The following RAB38 variants were observed in gnomAD, a reference collection of about 807,000 sequenced individuals.
RAB38 encodes the protein RAB38, member RAS oncogene family.
A neutral mutation model predicts 18.4 loss-of-function variants in RAB38; 15 were observed. The observed-to-expected ratio is 0.82, with a 90% CI of 0.55 to 1.26. The LOEUF (loss-of-function observed/expected upper bound fraction) is 1.26. Among genes scored for constraint, RAB38 ranks in the 50% most tolerant of loss-of-function variants. The pLI is 0.00. For synonymous variants in RAB38, 101 were observed against 104.4 expected, an observed-to-expected ratio of 0.97 and a Z score of 0.20; for missense variants, 294 against 267.4, an observed-to-expected ratio of 1.10 and a Z score of -0.69.
At chr11:88,072,766 T>C in the RAB38 span, among the ~76,000 whole-genome samples, 1 of 151,384 alleles carries the variant, frequency 6.6e-6, no homozygotes, top group Non-Finnish European at 1.5e-5. Context: ...AAGAAAAAAA[T>C]ATTTAAATCA....
At chr11:88,138,172 T>C (rs757465330) in intron 2 of RAB38, among the ~76,000 whole-genome samples, 17 of 151,772 alleles carry the variant, frequency 1.1e-4, no homozygotes, top group Non-Finnish European at 2.4e-4. Context: ...CAAAAAAAAA[T>C]TGCATAAGGA....
At chr11:87,868,052 A>T in the RAB38 span, among the ~76,000 whole-genome samples, 3 of 151,728 alleles carry the variant, frequency 2.0e-5, no homozygotes, top group Admixed American at 1.3e-4. Context: ...ATCACATAGA[A>T]TATCTTGAAA....
At chr11:87,973,343 C>G in the RAB38 span, among the ~76,000 whole-genome samples, 1 of 152,116 alleles carries the variant, frequency 6.6e-6, no homozygotes, top group East Asian at 1.9e-4. Flanking sequence ...GAAAGAATAG[C>G]TGCATAAGAC....
chr11:87,898,421 C>T, the RAB38 span, among the ~76,000 whole-genome samples: 1 of 151,658 alleles, frequency 6.6e-6, no homozygotes, highest in African/African-American at 2.4e-5. Context: ...TATGAAATCA[C>T]TCAGAGAGTG....
chr11:87,928,202 A>T, the RAB38 span, among the ~76,000 whole-genome samples: 2 of 152,090 alleles, frequency 1.3e-5, no homozygotes, highest in Non-Finnish European at 1.5e-5. Context: ...AGTGTTCAAT[A>T]ACTTTTAACT....
intron 2 of RAB38, among the ~76,000 whole-genome samples, chr11:88,147,105 T>TTACC (rs1268701253): frequency 1.3e-5 from 2 of 152,228 alleles, no homozygotes; most frequent in Non-Finnish European, 2.9e-5. Context: ...TCCCCACAGA[T>TTACC]TCATAGGCCT....
chr11:87,806,378 C>T, the RAB38 span, among the ~76,000 whole-genome samples: 1 of 152,102 alleles, frequency 6.6e-6, no homozygotes, highest in Non-Finnish European at 1.5e-5. Flanking sequence ...TTACCACATC[C>T]TCATACGATG....
chr11:87,865,634 T>C, the RAB38 span, among the ~76,000 whole-genome samples: 2 of 151,142 alleles, frequency 1.3e-5, no homozygotes, highest in Non-Finnish European at 3.0e-5. Context: ...ATTTGTTAGA[T>C]CAGCAATGGG....
At chr11:87,972,092 T>C in the RAB38 span, among the ~76,000 whole-genome samples, 1 of 152,178 alleles carries the variant, frequency 6.6e-6, no homozygotes, top group South Asian at 2.1e-4. Context: ...TTCACCTCTC[T>C]GCATTACAGA....
intron 1 of RAB38, among the ~76,000 whole-genome samples, chr11:88,150,644 G>C (rs1476902491): frequency 6.6e-6 from 1 of 152,158 alleles, no homozygotes; most frequent in African/African-American, 2.4e-5. Context: ...TCATTAAGGT[G>C]CAATTATTAC....
chr11:87,936,319 T>G, the RAB38 span, among the ~76,000 whole-genome samples: 7 of 152,274 alleles, frequency 4.6e-5, no homozygotes, highest in East Asian at 3.9e-4. Flanking sequence ...ATGTAGAAGG[T>G]GTGAGACAGG....
chr11:88,033,810 C>T, the RAB38 span, among the ~76,000 whole-genome samples: 2,483 of 141,554 alleles, frequency 0.018, 67 homozygotes, highest in African/African-American at 0.061. Context: ...TGACTGCAAG[C>T]TCCGCCTCCC....
chr11:88,101,886 T>C, the RAB38 span, among the ~76,000 whole-genome samples: 1 of 151,840 alleles, frequency 6.6e-6, no homozygotes, highest in Non-Finnish European at 1.5e-5. Flanking sequence ...CTGCTTTCCA[T>C]ATAGAAATAT....
At chr11:87,900,735 AGG>A in the RAB38 span, among the ~76,000 whole-genome samples, 5 of 147,974 alleles carry the variant, frequency 3.4e-5, no homozygotes, top group Non-Finnish European at 3.0e-5. Context: ...AAGAAGGAAG[AGG>A]GAGGGAGGGA....
At chr11:87,901,815 A>G in the RAB38 span, among the ~76,000 whole-genome samples, 1 of 151,634 alleles carries the variant, frequency 6.6e-6, no homozygotes, top group African/African-American at 2.4e-5. Context: ...AAAGTCCTTC[A>G]TTCAACTCAT....
chr11:88,116,768 C>T (rs551542750), intron 2 of RAB38, among the ~76,000 whole-genome samples: 62 of 152,104 alleles, frequency 4.1e-4, no homozygotes, highest in Non-Finnish European at 7.1e-4. Context: ...TAGAAAGGGC[C>T]TTTCTTCGTA....
chr11:87,805,861 G>T, the RAB38 span, among the ~76,000 whole-genome samples: 2 of 152,066 alleles, frequency 1.3e-5, no homozygotes, highest in Non-Finnish European at 2.9e-5. Context: ...CAGCCTAGAG[G>T]TAGAATTTCT....
At chr11:87,972,438 GC>G in the RAB38 span, among the ~76,000 whole-genome samples, 1,872 of 152,100 alleles carry the variant, frequency 0.012, 37 homozygotes, top group African/African-American at 0.043. Context: ...ACGCTTATAA[GC>G]CCTGGTATTT....
chr11:87,813,760 C>G, the RAB38 span, among the ~76,000 whole-genome samples: 1 of 151,898 alleles, frequency 6.6e-6, no homozygotes, highest in South Asian at 2.1e-4. Flanking sequence ...ATCTTAAACA[C>G]TCTTTATGCC....
Sources: allele counts gnomAD v4.1 joint callset (sites outside exome capture counted in the v4.1 genomes callset), GRCh38; gene constraint gnomAD v4.1.1; transcripts MANE v1.5; gene names NCBI Gene and HGNC (gene_info 2026-07-23, HGNC 2026-07-21).